The following MAP3K7CL variants were observed in gnomAD, a reference collection of about 807,000 sequenced individuals.
The protein encoded by MAP3K7CL is MAP3K7 C-terminal like, also known as MAP3K7 C-terminal-like protein.
Under a neutral mutation model 18.6 loss-of-function variants are expected in MAP3K7CL, and 16 were observed. The observed-to-expected ratio is 0.86, with a 90% CI of 0.58 to 1.31. The LOEUF (loss-of-function observed/expected upper bound fraction) is 1.31, where lower values mean the gene tolerates loss of function less well. Among genes scored for constraint, MAP3K7CL ranks in the 50% most tolerant of loss-of-function variants. The pLI, the probability that MAP3K7CL is intolerant of heterozygous loss-of-function variation, is 0.00. For synonymous variants in MAP3K7CL, 65 were observed against 66.8 expected, an observed-to-expected ratio of 0.97 and a Z score of 0.13; for missense variants, 163 against 174.4, an observed-to-expected ratio of 0.93 and a Z score of 0.37.
At chr21:29,083,473 A>C (rs955839585), upstream of MAP3K7CL, among the ~76,000 whole-genome samples, 11 of 152,316 alleles carry the variant, frequency 7.2e-5, no homozygotes, top group Admixed American at 2.0e-4. Flanking sequence ...TCTCTACTCG[A>C]TGCCTGTTTT....
upstream of MAP3K7CL, among the ~76,000 whole-genome samples, chr21:29,128,829 A>G (rs902525514): frequency 7.2e-5 from 11 of 152,368 alleles, no homozygotes; most frequent in East Asian, 1.2e-3. Flanking sequence ...GAGGTCGTGA[A>G]TAAGAAATTC....
intron 3 of MAP3K7CL, among the ~76,000 whole-genome samples, chr21:29,150,317 T>C (rs1026672648): frequency 2.0e-5 from 3 of 152,198 alleles, no homozygotes; most frequent in Admixed American, 6.5e-5. Context: ...GTTAAAAACC[T>C]GGCAGCAACC....
chr21:29,087,288 T>A (rs2085941365), intron 1 of MAP3K7CL, among the ~76,000 whole-genome samples: 1 of 152,218 alleles, frequency 6.6e-6, no homozygotes, highest in South Asian at 2.1e-4. Flanking sequence ...CACCCTATTT[T>A]ATTTTTATCC....
intron 4 of MAP3K7CL, among the ~76,000 whole-genome samples, chr21:29,095,952 A>G (rs1247681559): frequency 6.6e-6 from 1 of 152,212 alleles, no homozygotes; most frequent in Non-Finnish European, 1.5e-5. Context: ...AGGAAACATG[A>G]GGTGATTTTG....
chr21:29,148,399 C>T (rs1051920944), intron 2 of MAP3K7CL, among the ~76,000 whole-genome samples: 7 of 152,234 alleles, frequency 4.6e-5, no homozygotes, highest in African/African-American at 1.4e-4. Context: ...CACCAAGGCT[C>T]GGTCAGCACT....
chr21:29,138,867 TC>T (rs2086941527), intron 2 of MAP3K7CL, among the ~76,000 whole-genome samples: 1 of 151,986 alleles, frequency 6.6e-6, no homozygotes, highest in African/African-American at 2.4e-5. Context: ...CAGTCCCAAT[TC>T]CTGGGGCACT....
chr21:29,081,215 A>G (rs1181875039), upstream of MAP3K7CL, among the ~76,000 whole-genome samples: 2 of 152,326 alleles, frequency 1.3e-5, no homozygotes, highest in Middle Eastern at 3.4e-3. Context: ...AAAAAGGCCA[A>G]ATTATATAAA....
intron 4 of MAP3K7CL, among the ~76,000 whole-genome samples, chr21:29,119,642 T>G (rs969737317): frequency 6.6e-6 from 1 of 151,166 alleles, no homozygotes; most frequent in Non-Finnish European, 1.5e-5. Context: ...AGAATTTTGT[T>G]GAAGACCTTA....
intron 4 of MAP3K7CL, among the ~76,000 whole-genome samples, chr21:29,162,543 T>TGTA (rs1429142607): frequency 6.7e-6 from 1 of 150,098 alleles, no homozygotes; most frequent in African/African-American, 2.5e-5. Context: ...ATTAGCCTGG[T>TGTA]GTAGTGGTGG....
At chr21:29,079,155 A>G (rs949326720) in intron 1 of MAP3K7CL, among the ~76,000 whole-genome samples, 1 of 152,210 alleles carries the variant, frequency 6.6e-6, no homozygotes, top group Non-Finnish European at 1.5e-5. Context: ...ACTGGAGGTG[A>G]TGAGAAACTG....
At chr21:29,092,334 A>G in intron 3 of MAP3K7CL, 2 of 1,347,426 alleles carry the variant, frequency 1.5e-6, no homozygotes, top group Non-Finnish European at 2.1e-6. Context: ...AGAGGAGGCA[A>G]GAGGTTTCAA....
intron 4 of MAP3K7CL, among the ~76,000 whole-genome samples, chr21:29,108,266 C>T (rs1382049789): frequency 2.6e-5 from 4 of 152,040 alleles, no homozygotes; most frequent in Non-Finnish European, 5.9e-5. Context: ...TCTCTCCATG[C>T]GCACACAAAA....
chr21:29,129,817 ATGT>A (rs2086746232), upstream of MAP3K7CL, among the ~76,000 whole-genome samples: 2 of 152,220 alleles, frequency 1.3e-5, no homozygotes, highest in African/African-American at 4.8e-5. Context: ...CCAACATTTG[ATGT>A]TGTCAGTATT....
chr21:29,080,965 A>G (rs1042639288), upstream of MAP3K7CL, among the ~76,000 whole-genome samples: 1 of 152,114 alleles, frequency 6.6e-6, no homozygotes, highest in Non-Finnish European at 1.5e-5. Context: ...TACCAAATCC[A>G]GTTTTTACTC....
At chr21:29,106,122 C>T (rs1275683790) in intron 4 of MAP3K7CL, among the ~76,000 whole-genome samples, 1 of 152,136 alleles carries the variant, frequency 6.6e-6, no homozygotes, top group Non-Finnish European at 1.5e-5. Flanking sequence ...CAGGAAAAGG[C>T]ATCTTCTTCT....
intron 2 of MAP3K7CL, among the ~76,000 whole-genome samples, chr21:29,148,566 C>G (rs1348532155): frequency 6.6e-6 from 1 of 152,202 alleles, no homozygotes; most frequent in Non-Finnish European, 1.5e-5. Context: ...TTTCGGGACT[C>G]TCTGGGCTCT....
chr21:29,099,525 C>T (rs1227655076), intron 4 of MAP3K7CL, among the ~76,000 whole-genome samples: 1 of 152,138 alleles, frequency 6.6e-6, no homozygotes, highest in Non-Finnish European at 1.5e-5. Flanking sequence ...TATATAAGTA[C>T]AGCCATGGTT....
chr21:29,144,707 A>G (rs901374886), intron 2 of MAP3K7CL, among the ~76,000 whole-genome samples: 2 of 152,186 alleles, frequency 1.3e-5, no homozygotes, highest in Admixed American at 1.3e-4. Context: ...TCCAGCTTCA[A>G]TATTCTCTGT....
intron 4 of MAP3K7CL, among the ~76,000 whole-genome samples, chr21:29,108,238 A>G (rs567376611): frequency 5.3e-5 from 8 of 152,290 alleles, no homozygotes; most frequent in African/African-American, 1.9e-4. Flanking sequence ...TTATAAGAAG[A>G]GATACCAGAT....
Sources: gnomAD v4.1 joint callset for allele counts (sites outside exome capture counted in the v4.1 genomes callset) on GRCh38, gnomAD v4.1.1 for gene constraint, MANE v1.5 for transcripts, NCBI Gene and HGNC (gene_info 2026-07-23, HGNC 2026-07-21) for gene names.